The following CLPB variants were observed in gnomAD, a reference collection of about 807,000 sequenced individuals.
CLPB encodes the protein mitochondrial disaggregase.
A neutral mutation model predicts 78.4 loss-of-function variants in CLPB; 40 were observed. That is an observed-to-expected ratio of 0.51 (90% CI 0.40 to 0.66). CLPB has a LOEUF of 0.66. Among genes scored for constraint, CLPB ranks in the 30% least tolerant of loss-of-function variants. The probability of loss-of-function intolerance (pLI) is 0.00; values close to 1 mark genes in which losing one functional copy is unlikely to be tolerated. For synonymous variants in CLPB, 333 were observed against 348.0 expected, an observed-to-expected ratio of 0.96 and a Z score of 0.48; for missense variants, 780 against 886.9, an observed-to-expected ratio of 0.88 and a Z score of 1.53.
chr11:72,432,446 G>A (rs1856573247), intron 1 of CLPB, among the ~76,000 whole-genome samples: 1 of 152,062 alleles, frequency 6.6e-6, no homozygotes, highest in African/African-American at 2.4e-5. Context: ...ATCCTCTGGG[G>A]TCTCCAATAC....
chr11:72,430,383 T>C lies in CLPB; in HGVS notation c.404-20A>G. The C allele has an allele frequency of 6.2e-7, 1 of 1,611,898 alleles. No individual in the cohort carries two copies. Among genetic ancestry groups the C allele is most frequent in the South Asian group, 1.1e-5 (1 of 90,232 alleles). On this transcript the variant is annotated intron_variant, in intron 1 of 15. Transcript: ENST00000538039. Reference sequence around the variant, plus strand: ...CTGCATCTGAAGAGAAAGGGGGCACTGGTCAGATCCGCGGCCAGGACATAC... The same window carrying C: ...CTGCATCTGAAGAGAAAGGGGGCACCGGTCAGATCCGCGGCCAGGACATAC...
intron 3 of CLPB, among the ~76,000 whole-genome samples, chr11:72,380,851 C>T (rs958550066): frequency 5.3e-5 from 8 of 152,158 alleles, no homozygotes; most frequent in Non-Finnish European, 8.8e-5. Context: ...TCTGTGACCT[C>T]AAGAAGCTAG....
intron 1 of CLPB, 23 bp from the exon 2 acceptor site, chr11:72,430,386 T>C (rs763090515): frequency 6.2e-7 from 1 of 1,610,922 alleles, no homozygotes; most frequent in Admixed American, 1.7e-5. Context: ...GGGGCACTGG[T>C]CAGATCCGCG....
chr11:72,434,511 C>T lies in CLPB; in HGVS notation c.-37G>A. ...CTTCGATAACCCCGTGGTGCCGGCC[C>T]CTGTGCTGACCACGTCCAACATGGC... On this transcript the variant is annotated 5_prime_UTR_variant, in exon 1 of 16. Transcript: ENST00000538039. The T allele has an allele frequency of 1.3e-6, 2 of 1,511,966 alleles. No individual in the cohort carries two copies. The highest frequency in any genetic ancestry group is 1.8e-6 in the Non-Finnish European group (2 of 1,130,246). The allele number at this position is 1,511,966 out of a possible 1,614,324, so 93.7% of individuals were successfully genotyped here.
chr11:72,415,977 T>C (rs2135124087), intron 2 of CLPB, among the ~76,000 whole-genome samples: 1 of 152,256 alleles, frequency 6.6e-6, no homozygotes, highest in East Asian at 1.9e-4. Context: ...CTCATATAGC[T>C]TGGAGCTCTG....
rs74714550 is a variant in CLPB at position 72,403,187 on chromosome 11, G to T, written c.456-135C>A. The T allele has an allele frequency of 0.02, 17,157 of 848,534 alleles. 899 individuals carry two copies. Among genetic ancestry groups the T allele is most frequent in the African/African-American group, 0.14 (8,400 of 59,940 alleles). The allele number at this position is 848,534 out of a possible 1,614,324, so 52.6% of individuals were successfully genotyped here. Reference sequence around the variant, plus strand: ...TGTAAAAGTAGAAACAACCATAGAAGAAATGACATAGTCAACAAACAGAGC... The same window carrying T: ...TGTAAAAGTAGAAACAACCATAGAATAAATGACATAGTCAACAAACAGAGC... On this transcript the variant is annotated intron_variant, in intron 2 of 15. Transcript: ENST00000538039.
At position 72,290,161 on chromosome 11, in the gene CLPB, T is replaced by TG. The variant is rs1949434477; in HGVS notation, c.*3205dup. ...GATGCCAGGGCTGAGATAGGGAAAA[T>TG]GTGAGGAAGCCTGAAACATCTTGTG... On this transcript the variant is annotated 3_prime_UTR_variant, in exon 16 of 16. Coordinates refer to ENST00000538039, the MANE Select transcript of CLPB (RefSeq NM_001258392.3). The TG allele has an allele frequency of 6.6e-6, 1 of 152,064 alleles. No individual in the cohort carries two copies. Among genetic ancestry groups the TG allele is most frequent in the African/African-American group, 2.4e-5 (1 of 41,374 alleles). The allele number at this position is 152,064 out of a possible 1,614,324, so 9.4% of individuals were successfully genotyped here.
intron 11 of CLPB, among the ~76,000 whole-genome samples, chr11:72,299,211 T>C (rs1361494059): frequency 1.3e-5 from 2 of 152,206 alleles, no homozygotes; most frequent in African/African-American, 4.8e-5. Flanking sequence ...TCTAGTAGTT[T>C]CTCCAGCCCA....
At chr11:72,305,452 A>G (rs1949730315) in intron 9 of CLPB, among the ~76,000 whole-genome samples, 5 of 152,232 alleles carry the variant, frequency 3.3e-5, no homozygotes, top group Admixed American at 3.3e-4. Context: ...GACATAAGTG[A>G]TGAGCACACA....
Position 72,358,907 on chromosome 11 carries a change from G to T in CLPB, c.748C>A (p.Arg250Ser). 1 of 1,605,260 alleles carries T rather than the reference G, an allele frequency of 6.2e-7. No individual in the cohort carries two copies. ...LHYAVLADDY[R>S]TVKELLDGGA... ...CCATCAAGCAGCTCCTTGACAGTGC[G>T]GTAGTCATCAGCAAGAACAGCATAG... Residue 250 changes from arginine (R) to serine (S), a missense_variant, in exon 5 of 16, where the codon CGC becomes AGC. By Grantham distance (110) the Arg-to-Ser change is moderately radical (BLOSUM62 -1). Around this residue, in one of 3 missense-constraint regions of CLPB, gnomAD observed 417 missense variants for 414.7 expected, o/e 1.01. Transcript: ENST00000538039.
At chr11:72,381,698 C>G (rs1358406603) in intron 3 of CLPB, among the ~76,000 whole-genome samples, 1 of 152,126 alleles carries the variant, frequency 6.6e-6, no homozygotes, top group African/African-American at 2.4e-5. Context: ...GCAGACCCAG[C>G]CTCCAGGTCC....
chr11:72,360,918 C>T (rs1950827069), intron 4 of CLPB, among the ~76,000 whole-genome samples: 1 of 152,190 alleles, frequency 6.6e-6, no homozygotes, highest in Admixed American at 6.5e-5. Context: ...CTGTTTCTCA[C>T]ATATCATAAT....
rs1385610309 is a variant in CLPB, at chr11:72,293,280, C to T, written c.*87G>A. The T allele has an allele frequency of 2.0e-6, 3 of 1,506,188 alleles. No individual in the cohort carries two copies. Among genetic ancestry groups the T allele is most frequent in the Admixed American group, 1.8e-5 (1 of 56,182 alleles). 93.3% of individuals were successfully genotyped at this position (1,506,188 alleles called of 1,614,324 possible). ...TGAGACTGGGTAGAGATGGGAGCGG[C>T]ATGAGGGGAAGGTAAGTCAGTTGCC... On this transcript the variant is annotated 3_prime_UTR_variant, in exon 16 of 16. Transcript: ENST00000538039.
intron 6 of CLPB, among the ~76,000 whole-genome samples, chr11:72,323,935 C>A (rs553847080): frequency 6.6e-6 from 1 of 151,708 alleles, no homozygotes; most frequent in South Asian, 2.1e-4. Flanking sequence ...ATTCTCAAAT[C>A]ATTGAGAAAA....
chr11:72,350,720 T>A (rs911706437), intron 5 of CLPB, among the ~76,000 whole-genome samples: 6 of 152,226 alleles, frequency 3.9e-5, no homozygotes, highest in Admixed American at 1.3e-4. Flanking sequence ...GTGGGGTTGA[T>A]CTGGTCCTCC....
rs1590773494 is a variant in CLPB at position 72,308,561 on chromosome 11, A to G, written c.1032T>C (p.Pro344=). Residue 344 remains proline (P), a synonymous_variant, in exon 8 of 16, where the codon CCT becomes CCC. Transcript: ENST00000538039. The stretch of plus-strand genomic sequence containing the variant: ...ATGATCCCAAGAAGAGGAAGACCAG[A>G]GGGTGTTCTTCATCGTACCAGCCAT... ...KENGWYDEEH[P]LVFLFLGSSG... 6.2e-7 allele frequency: 1 copy of G among 1,614,180 alleles called. No homozygotes were observed. The highest frequency in any genetic ancestry group is 8.5e-7 in the Non-Finnish European group (1 of 1,180,002).
intron 2 of CLPB, among the ~76,000 whole-genome samples, chr11:72,426,079 C>G (rs1278957269): frequency 1.3e-5 from 2 of 152,134 alleles, no homozygotes; most frequent in Admixed American, 1.3e-4. Flanking sequence ...ATAAATAAAT[C>G]CTGGAGAAAA....
At chr11:72,411,387 A>C (rs1855871932) in intron 2 of CLPB, among the ~76,000 whole-genome samples, 1 of 152,204 alleles carries the variant, frequency 6.6e-6, no homozygotes, top group African/African-American at 2.4e-5. Flanking sequence ...ACAGGTCACA[A>C]ATTCCAGTCA....
intron 5 of CLPB, among the ~76,000 whole-genome samples, chr11:72,336,227 G>A (rs954474429): frequency 3.3e-5 from 5 of 151,984 alleles, no homozygotes; most frequent in Admixed American, 2.6e-4. Flanking sequence ...TGTATAAGAG[G>A]GCTTAACAAC....
Sources: gnomAD v4.1 joint callset for allele counts (sites outside exome capture counted in the v4.1 genomes callset) on GRCh38, gnomAD v4.1.1 for gene constraint, gnomAD v4.1.1 regional missense constraint, MANE v1.5 for transcripts, NCBI Gene and HGNC (gene_info 2026-07-23, HGNC 2026-07-21) for gene names.